CAMK2G: variants seen among roughly 807,000 people sequenced by gnomAD.
CAMK2G encodes calcium/calmodulin-dependent protein kinase type II subunit gamma.
In CAMK2G, 23 loss-of-function variants were observed where a neutral mutation model predicts 88.7. That is an observed-to-expected ratio of 0.26 (90% CI 0.19 to 0.37). The LOEUF (loss-of-function observed/expected upper bound fraction) is 0.37. Ranked by LOEUF, CAMK2G falls within the 10% of genes least tolerant of loss-of-function variation. The pLI, the probability that CAMK2G is intolerant of heterozygous loss-of-function variation, is 1.00. For missense variants in CAMK2G, 476 were observed against 780.8 expected (o/e 0.61, Z 4.65); for synonymous variants, 263 against 294.8 (o/e 0.89, Z 1.11).
At chr10:73,870,050 G>A (rs1462112224) in intron 2 of CAMK2G, among the ~76,000 whole-genome samples, 1 of 152,196 alleles carries the variant, frequency 6.6e-6, no homozygotes, top group African/African-American at 2.4e-5. Context: ...TATGCTCCAC[G>A]AGGTGAAAAT....
intron 14 of CAMK2G, among the ~76,000 whole-genome samples, chr10:73,831,320 A>G (rs2133910609): frequency 6.6e-6 from 1 of 152,164 alleles, no homozygotes; most frequent in South Asian, 2.1e-4. Context: ...CGGGTGGATC[A>G]CAAGGTCAGG....
chr10:73,873,035 C>T lies in CAMK2G; in HGVS notation c.114G>A (p.Gln38=). 6.2e-7 allele frequency: 1 copy of T among 1,613,882 alleles called. No individual in the cohort carries two copies. The highest frequency in any genetic ancestry group is 8.5e-7 in the Non-Finnish European group (1 of 1,179,818). ...TATTGATGATTTTTGCTGCGTACTC[C>T]TGCGTGGAGGTTTTCTTCACACACC... The part of the protein sequence containing the change: ...VRRCVKKTST[Q]EYAAKIINTK... The change falls in exon 2 of 23, where the codon CAG becomes CAA. Residue 38 remains glutamine, a synonymous_variant. Coordinates refer to ENST00000423381, the MANE Select transcript of CAMK2G (RefSeq NM_001367534.1).
intron 17 of CAMK2G, 23 bp from the exon 18 acceptor site, chr10:73,821,753 T>G (rs1178890176): frequency 1.9e-6 from 3 of 1,597,746 alleles, no homozygotes; most frequent in Non-Finnish European, 2.6e-6. Context: ...AAGAACATGT[T>G]TCTATATGCT....
Position 73,833,909 on chromosome 10 carries a change from GTTT to G in CAMK2G, c.1053+3556_1053+3558del, listed in dbSNP as rs778838628. On this transcript the variant is annotated intron_variant, in intron 14 of 22. Transcript: ENST00000423381. ...CCACCACACCTAGCCTATCTACTGG[GTTT>G]TTTTTTTTTTTTTTTTTTTTTTTTG... Among the ~76,000 whole-genome samples, 458 of 63,356 alleles carry G rather than the reference GTTT, an allele frequency of 7.2e-3. 2 individuals are homozygous for G. The highest frequency in any genetic ancestry group is 0.035 in the African/African-American group (426 of 12,082). The allele number at this position is 63,356 out of a possible 152,430, so 41.6% of individuals were successfully genotyped here.
At chr10:73,815,278 C>T in intron 21 of CAMK2G, 31 bp from the exon 22 acceptor site, 1 of 1,460,210 alleles carries the variant, frequency 6.8e-7, no homozygotes, top group Non-Finnish European at 9.6e-7. Context: ...GGTAAGAGGA[C>T]ATCAGGCCTG....
At chr10:73,827,179 C>T (rs1021863960) in intron 15 of CAMK2G, among the ~76,000 whole-genome samples, 2 of 152,170 alleles carry the variant, frequency 1.3e-5, no homozygotes, top group Non-Finnish European at 2.9e-5. Flanking sequence ...ACCCAAGTGG[C>T]CCCACCTCTG....
chr10:73,835,559 G>A (rs1238040587), intron 14 of CAMK2G, among the ~76,000 whole-genome samples: 5 of 151,214 alleles, frequency 3.3e-5, no homozygotes. Context: ...CCAAAATGCT[G>A]GGATTACAGG....
At chr10:73,852,356 AG>A (rs769790701) in intron 4 of CAMK2G, 37 bp from the exon 5 acceptor site, 1 of 1,583,564 alleles carries the variant, frequency 6.3e-7, no homozygotes, top group Non-Finnish European at 8.7e-7. Context: ...AGAGGCAGAA[AG>A]GGTCCTTTGT....
intron 2 of CAMK2G, among the ~76,000 whole-genome samples, chr10:73,862,713 G>A (rs1255496063): frequency 3.9e-5 from 6 of 152,226 alleles, no homozygotes; most frequent in African/African-American, 7.2e-5. Flanking sequence ...GATAAAGAAT[G>A]GTGAGAGTTG....
chr10:73,834,858 G>A (rs902215870), intron 14 of CAMK2G, among the ~76,000 whole-genome samples: 13 of 152,120 alleles, frequency 8.5e-5, no homozygotes, highest in Non-Finnish European at 1.8e-4. Context: ...AACCTGTTCT[G>A]TAATGGTGCC....
chr10:73,820,480 ATATATATATATATTTT>A (rs2087724424), intron 18 of CAMK2G, among the ~76,000 whole-genome samples: 1 of 32,248 alleles, frequency 3.1e-5, no homozygotes, highest in Non-Finnish European at 5.6e-5. Flanking sequence ...ATATATATAT[ATATATATATATATTTT>A]TTTTTTTTTT....
At chr10:73,815,958 A>G in intron 21 of CAMK2G, 5 of 985,384 alleles carry the variant, frequency 5.1e-6, no homozygotes, top group Non-Finnish European at 6.0e-6. Flanking sequence ...CCTAGTACTA[A>G]TATAAACTCT....
chr10:73,873,268 A>G, intron 1 of CAMK2G, 185 bp from the exon 2 acceptor site: 2 of 1,161,758 alleles, frequency 1.7e-6, no homozygotes, highest in South Asian at 3.0e-5. Flanking sequence ...CCACCGCAGG[A>G]CACTGAACAG....
intron 2 of CAMK2G, among the ~76,000 whole-genome samples, chr10:73,871,402 A>G (rs2095825037): frequency 6.6e-6 from 1 of 152,166 alleles, no homozygotes; most frequent in African/African-American, 2.4e-5. Flanking sequence ...GCTCCCAGCC[A>G]TCTCTCCTTC....
chr10:73,821,375 CT>C (rs2088670552), intron 18 of CAMK2G, among the ~76,000 whole-genome samples: 1 of 152,180 alleles, frequency 6.6e-6, no homozygotes, highest in African/African-American at 2.4e-5. Flanking sequence ...TGGGGTACCC[CT>C]GTTCTTGGAT....
In CAMK2G at chr10:73,852,163, AC is replaced by A. The variant is rs528220104; in HGVS notation, c.341+90del. The stretch of plus-strand genomic sequence containing the variant: ...CTGATCTTCCCCAAAGACTATTCAA[AC>A]AGGTACAATGCTGGACCCCGAAGGT... On this transcript the variant is annotated intron_variant, in intron 5 of 22. Coordinates refer to ENST00000423381, the MANE Select transcript of CAMK2G (RefSeq NM_001367534.1). 3.1e-4 allele frequency: 281 copies of A among 907,322 alleles called. 1 individual carries two copies. The African/African-American group carries it at 4.0e-3, about 13-fold the overall frequency. The allele number at this position is 907,322 out of a possible 1,614,324, so 56.2% of individuals were successfully genotyped here. A position where few individuals can be genotyped will look rare whatever the true frequency, so the allele number is the denominator to read the frequency against.
chr10:73,856,714 G>A (rs2095064407), intron 3 of CAMK2G, among the ~76,000 whole-genome samples: 1 of 152,256 alleles, frequency 6.6e-6, no homozygotes, highest in Non-Finnish European at 1.5e-5. Flanking sequence ...TAGACAGGAA[G>A]ATCTGGGGAA....
At chr10:73,821,757 A>G (rs2133401561) in intron 17 of CAMK2G, 27 bp from the exon 18 acceptor site, 4 of 1,590,792 alleles carry the variant, frequency 2.5e-6, no homozygotes, top group East Asian at 2.2e-5. Context: ...ACATGTTTCT[A>G]TATGCTCCAT....
rs1207671752 is a variant in CAMK2G at position 73,839,472 on chromosome 10, T to C, written c.1009+67A>G. 1.1e-6 allele frequency: 1 copy of C among 922,584 alleles called. No homozygotes were observed. The highest frequency in any genetic ancestry group is 1.7e-5 in the African/African-American group (1 of 58,566). The allele number at this position is 922,584 out of a possible 1,614,324, so 57.1% of individuals were successfully genotyped here. A position where few individuals can be genotyped will look rare whatever the true frequency, so the allele number is the denominator to read the frequency against. On this transcript the variant is annotated intron_variant, in intron 13 of 22. Transcript: ENST00000423381. The surrounding 1 kb of genome is among the most constrained non-coding windows in gnomAD (Gnocchi z 4.2). ...GCCTCCCTGGTGAGTGGGCCCGGCA[T>C]GCTGGCCCTCCTGGTGGGGTGGCAG...
Sources: gnomAD v4.1 joint callset for allele counts (sites outside exome capture counted in the v4.1 genomes callset) on GRCh38, gnomAD v4.1.1 for gene constraint, Gnocchi (gnomAD v3.1) non-coding constraint, MANE v1.5 for transcripts, NCBI Gene and HGNC (gene_info 2026-07-23, HGNC 2026-07-21) for gene names.